KCNH1: variants seen among roughly 807,000 people sequenced by gnomAD.
KCNH1 encodes the protein potassium voltage-gated channel subfamily H member 1, also known as voltage-gated delayed rectifier potassium channel KCNH1.
In KCNH1, 27 loss-of-function variants were observed where a neutral mutation model predicts 69.2. The observed-to-expected ratio is 0.39, with a 90% confidence interval of 0.29 to 0.54. The LOEUF (loss-of-function observed/expected upper bound fraction) is 0.54, where lower values mean the gene tolerates loss of function less well. Ranked by LOEUF, KCNH1 falls within the 20% of genes least tolerant of loss-of-function variation. The pLI, the probability that KCNH1 is intolerant of heterozygous loss-of-function variation, is 0.68. For synonymous variants in KCNH1, 456 were observed against 487.7 expected (o/e 0.93, Z 0.86); for missense variants, 798 against 1,261.6 (o/e 0.63, Z 5.57).
chr1:210,735,861 C>CTTCAGCTATCTCCTGCCAT (rs1340656847), intron 10 of KCNH1, among the ~76,000 whole-genome samples: 1 of 151,938 alleles, frequency 6.6e-6, no homozygotes, highest in Admixed American at 6.6e-5. Context: ...AGAGAGTACA[C>CTTCAGCTATCTCCTGCCAT]TTCAGCTATC....
At chr1:210,982,672 T>G (rs972264730) in intron 6 of KCNH1, among the ~76,000 whole-genome samples, 1 of 152,202 alleles carries the variant, frequency 6.6e-6, no homozygotes, top group African/African-American at 2.4e-5. Flanking sequence ...TCTATCGTTG[T>G]TGGACATTTG....
At chr1:210,755,673 T>G (rs1324329435) in intron 10 of KCNH1, among the ~76,000 whole-genome samples, 1 of 152,224 alleles carries the variant, frequency 6.6e-6, no homozygotes, top group Non-Finnish European at 1.5e-5. Flanking sequence ...CCATAAATAT[T>G]TCTGCAAAAT....
In KCNH1 at chr1:210,929,597, A is replaced by G. The variant is rs1018684405; in HGVS notation, c.1033-9528T>C. ...CACAGAACAGGGAAAAGTTGAACGC[A>G]TTCCCTCATGAGAACTGGAACAAGA... On this transcript the variant is annotated intron_variant, in intron 6 of 10. Coordinates refer to ENST00000271751, the MANE Select transcript of KCNH1 (RefSeq NM_172362.3). Among the ~76,000 whole-genome samples, 2 of 152,180 alleles carry G rather than the reference A, an allele frequency of 1.3e-5. 1 individual carries two copies. Among genetic ancestry groups the G allele is most frequent in the South Asian group, 4.1e-4 (2 of 4,830 alleles).
chr1:211,046,030 A>G (rs1690090379), intron 5 of KCNH1, among the ~76,000 whole-genome samples: 2 of 152,198 alleles, frequency 1.3e-5, no homozygotes, highest in Admixed American at 1.3e-4. Flanking sequence ...CTTTTGTAAG[A>G]CTGAATAATA....
At chr1:211,038,995 A>C (rs1236463843) in intron 5 of KCNH1, among the ~76,000 whole-genome samples, 4 of 152,218 alleles carry the variant, frequency 2.6e-5, no homozygotes, top group Non-Finnish European at 4.4e-5. Flanking sequence ...AAATGTCTCC[A>C]GGGAATGTCA....
intron 9 of KCNH1, among the ~76,000 whole-genome samples, chr1:210,787,944 C>T (rs1684134547): frequency 6.6e-6 from 1 of 152,150 alleles, no homozygotes; most frequent in Non-Finnish European, 1.5e-5. Context: ...GGGGACTCAG[C>T]CATAAATGGT....
chr1:210,967,855 C>T (rs1042699444), intron 6 of KCNH1, among the ~76,000 whole-genome samples: 1 of 151,238 alleles, frequency 6.6e-6, no homozygotes, highest in Admixed American at 6.6e-5. Context: ...TTGTCTTGTT[C>T]TCAATTTTTT....
intron 10 of KCNH1, among the ~76,000 whole-genome samples, chr1:210,773,050 AT>A (rs980608379): frequency 2.6e-5 from 4 of 152,094 alleles, no homozygotes; most frequent in Admixed American, 2.0e-4. Context: ...CAAACTGCAT[AT>A]TTTTTCAACC....
At chr1:211,029,223 C>A (rs1231284051) in intron 5 of KCNH1, among the ~76,000 whole-genome samples, 1 of 137,290 alleles carries the variant, frequency 7.3e-6, no homozygotes, top group Non-Finnish European at 1.5e-5. Flanking sequence ...GTCCTAGCTG[C>A]TTGGGAGGCT....
intron 10 of KCNH1, among the ~76,000 whole-genome samples, chr1:210,751,134 T>G (rs1683274894): frequency 6.6e-6 from 1 of 152,168 alleles, no homozygotes; most frequent in Non-Finnish European, 1.5e-5. Flanking sequence ...TGTCTGGGGT[T>G]CCAGTACTCC....
rs1203511161 is a variant in KCNH1 at position 210,947,414 on chromosome 1, GA to G, written c.1033-27346del. On this transcript the variant is annotated intron_variant, in intron 6 of 10. Coordinates refer to ENST00000271751, the MANE Select transcript of KCNH1 (RefSeq NM_172362.3). ...GAAACCCTTTCTCTACTAAAAATACGAAAAAAAAAAATTAGCCAGGCATGGT... is the reference window on the plus strand; with the variant it reads ...GAAACCCTTTCTCTACTAAAAATACGAAAAAAAAAATTAGCCAGGCATGGT... 6.6e-4 allele frequency among the ~76,000 whole-genome samples: 98 copies of G among 147,524 alleles called. 1 individual carries two copies. The highest frequency in any genetic ancestry group is 3.5e-3 in the Middle Eastern group (1 of 286).
chr1:210,950,709 T>A (rs1257026744), intron 6 of KCNH1, among the ~76,000 whole-genome samples: 1 of 152,138 alleles, frequency 6.6e-6, no homozygotes, highest in Non-Finnish European at 1.5e-5. Flanking sequence ...ATGTGTCCAA[T>A]TACCACCGGC....
At chr1:211,067,441 C>T (rs1214723175) in intron 5 of KCNH1, among the ~76,000 whole-genome samples, 1 of 152,170 alleles carries the variant, frequency 6.6e-6, no homozygotes, top group Non-Finnish European at 1.5e-5. Context: ...ACTTATCTAG[C>T]TGGCAATCTT....
intron 6 of KCNH1, among the ~76,000 whole-genome samples, chr1:210,951,686 A>G (rs1688065014): frequency 1.3e-5 from 2 of 152,318 alleles, no homozygotes; most frequent in Admixed American, 1.3e-4. Flanking sequence ...GTGTAATTTT[A>G]TTAAAATATC....
intron 5 of KCNH1, among the ~76,000 whole-genome samples, chr1:211,025,878 A>C (rs1325388743): frequency 6.6e-6 from 1 of 152,044 alleles, no homozygotes; most frequent in African/African-American, 2.4e-5. Flanking sequence ...ACAGCTGTAA[A>C]TCATGTGCTT....
chr1:210,891,479 T>G (rs923468567), intron 7 of KCNH1, among the ~76,000 whole-genome samples: 10 of 151,626 alleles, frequency 6.6e-5, no homozygotes, highest in Non-Finnish European at 1.0e-4. Context: ...ACATGGCACA[T>G]GTATACATAT....
In KCNH1 at chr1:210,944,760, T is replaced by C. The variant is rs1687928957; in HGVS notation, c.1033-24691A>G. ...TATTTTTTTATTGCAGTAAAAAATA[T>C]ATAATATAAAATGTATCATTTCAAC... On this transcript the variant is annotated intron_variant, in intron 6 of 10. Transcript: ENST00000271751. Among the ~76,000 whole-genome samples, 5 of 152,330 alleles carry C rather than the reference T, an allele frequency of 3.3e-5. No individual in the cohort carries two copies. In the South Asian group the frequency reaches 6.2e-4, roughly 19 times the overall value.
At chr1:211,026,376 C>CAAAAAAAAAAAAAAA (rs34132386) in intron 5 of KCNH1, among the ~76,000 whole-genome samples, 3 of 72,686 alleles carry the variant, frequency 4.1e-5, no homozygotes, top group East Asian at 5.2e-4. Context: ...GGAGTATAGA[C>CAAAAAAAAAAAAAAA]AAAAAAAAAA....
chr1:210,944,330 TA>T (rs1431061518), intron 6 of KCNH1, among the ~76,000 whole-genome samples: 3 of 152,206 alleles, frequency 2.0e-5, no homozygotes, highest in African/African-American at 7.2e-5. Flanking sequence ...TTCCTGGTGA[TA>T]CTAGGACACA....
Sources: allele counts gnomAD v4.1 joint callset (sites outside exome capture counted in the v4.1 genomes callset), GRCh38; gene constraint gnomAD v4.1.1; transcripts MANE v1.5; gene names NCBI Gene and HGNC (gene_info 2026-07-23, HGNC 2026-07-21).